Variants in TINAG observed in about 807,000 individuals in gnomAD.
The protein encoded by TINAG is tubulointerstitial nephritis antigen.
A neutral mutation model predicts 72.7 loss-of-function variants in TINAG; 83 were observed. The observed-to-expected ratio is 1.14, with a 90% CI of 0.96 to 1.37. TINAG has a LOEUF of 1.37. TINAG is among the 40% of genes most tolerant of loss of function. TINAG has a pLI of 0.00. For synonymous variants in TINAG, 234 were observed against 189.9 expected (o/e 1.23, Z -1.91); for missense variants, 685 against 576.6 (o/e 1.19, Z -1.93).
At chr6:54,371,260 G>C (rs963408038) in intron 9 of TINAG, among the ~76,000 whole-genome samples, 1 of 151,908 alleles carries the variant, frequency 6.6e-6, no homozygotes, top group Non-Finnish European at 1.5e-5. Context: ...TCAAATGCTA[G>C]TTCTGTCCTC....
At chr6:54,341,896 C>T (rs1785004865) in intron 4 of TINAG, among the ~76,000 whole-genome samples, 1 of 152,072 alleles carries the variant, frequency 6.6e-6, no homozygotes, top group African/African-American at 2.4e-5. Flanking sequence ...AGGGACTCAA[C>T]ATGTCTTTTA....
intron 4 of TINAG, among the ~76,000 whole-genome samples, chr6:54,333,890 T>G (rs1014785191): frequency 2.6e-5 from 4 of 151,594 alleles, no homozygotes; most frequent in African/African-American, 9.8e-5. Flanking sequence ...TAAAGGTTGA[T>G]CCTCAAAAAT....
rs1582729537 is a variant in TINAG, at chr6:54,349,800, G to A, written c.984G>A (p.Gly328=). ...NGCAMASRSD[G]RGKRHATKPC... ...GTGCCATGGCAAGCAGGTCTGATGG[G>A]CGAGGAAAACGGCATGCCACGAAGC... is the stretch of plus-strand genomic sequence containing the variant. The change falls in exon 7 of 11, where the codon GGG becomes GGA. Residue 328 remains glycine, a synonymous_variant. Transcript: ENST00000259782. 1 of 1,608,862 alleles carries A rather than the reference G, an allele frequency of 6.2e-7. No individual in the cohort carries two copies. The highest frequency in any genetic ancestry group is 8.5e-7 in the Non-Finnish European group (1 of 1,176,910).
intron 1 of TINAG, among the ~76,000 whole-genome samples, chr6:54,316,844 T>C (rs1784384150): frequency 6.6e-6 from 1 of 152,200 alleles, no homozygotes; most frequent in Admixed American, 6.5e-5. Context: ...AAACAAATTA[T>C]AGACAATGTA....
intron 4 of TINAG, among the ~76,000 whole-genome samples, chr6:54,334,183 T>G (rs1034769277): frequency 1.3e-5 from 2 of 152,216 alleles, no homozygotes; most frequent in East Asian, 3.8e-4. Context: ...GAGATATTGA[T>G]TGTATTCAAG....
At chr6:54,327,676 G>A (rs1457554162) in intron 4 of TINAG, among the ~76,000 whole-genome samples, 3 of 151,998 alleles carry the variant, frequency 2.0e-5, no homozygotes, top group African/African-American at 4.8e-5. Flanking sequence ...TCCCACCCCC[G>A]CAGAGCCCAG....
chr6:54,327,400 G>A (rs558673479), intron 4 of TINAG, among the ~76,000 whole-genome samples: 2 of 152,276 alleles, frequency 1.3e-5, no homozygotes, highest in East Asian at 1.9e-4. Flanking sequence ...ACTGTGTTGT[G>A]AGGGATGGTG....
chr6:54,355,967 C>G (rs1353077302), intron 9 of TINAG, among the ~76,000 whole-genome samples: 2 of 151,814 alleles, frequency 1.3e-5, no homozygotes, highest in African/African-American at 4.8e-5. Flanking sequence ...ATGTTTTTCT[C>G]TAGCAGTATA....
chr6:54,365,766 T>G (rs537678639), intron 9 of TINAG, among the ~76,000 whole-genome samples: 246 of 151,670 alleles, frequency 1.6e-3, no homozygotes, highest in African/African-American at 5.1e-3. Flanking sequence ...ATTCAAATTT[T>G]GAGTTTGTAG....
intron 9 of TINAG, among the ~76,000 whole-genome samples, chr6:54,364,117 T>C (rs542900729): frequency 2.6e-5 from 4 of 151,452 alleles, no homozygotes; most frequent in African/African-American, 9.7e-5. Context: ...GAAAATTAGA[T>C]AGTTTGTAAT....
intron 1 of TINAG, among the ~76,000 whole-genome samples, chr6:54,318,212 C>T (rs1339391300): frequency 6.6e-6 from 1 of 152,148 alleles, no homozygotes; most frequent in Non-Finnish European, 1.5e-5. Context: ...CAAATTCATG[C>T]TCCAGCCTGG....
At position 54,376,317 on chromosome 6, in the gene TINAG, A is replaced by G. The variant is rs141412922; in HGVS notation, c.1251-4209A>G. ...ACTGACAGTTTTTCGAAAGCAAAAT[A>G]TATGTCTTCTTTGGGCTAACCAGTA... On this transcript the variant is annotated intron_variant, in intron 9 of 10. Transcript: ENST00000259782. 9.6e-3 allele frequency among the ~76,000 whole-genome samples: 1,467 copies of G among 152,276 alleles called. 24 individuals are homozygous for G. Among genetic ancestry groups the G allele is most frequent in the African/African-American group, 0.033 (1,379 of 41,560 alleles).
intron 4 of TINAG, among the ~76,000 whole-genome samples, chr6:54,338,434 T>G (rs997757850): frequency 1.3e-5 from 2 of 151,864 alleles, no homozygotes; most frequent in African/African-American, 4.8e-5. Context: ...CATAAAACAC[T>G]AGTTTGGCCG....
At chr6:54,311,502 T>G (rs990332342) in intron 1 of TINAG, among the ~76,000 whole-genome samples, 4 of 152,220 alleles carry the variant, frequency 2.6e-5, no homozygotes, top group African/African-American at 9.6e-5. Flanking sequence ...GTTCCCCTAG[T>G]ACTATACGGG....
intron 4 of TINAG, among the ~76,000 whole-genome samples, chr6:54,338,980 C>T (rs1220233267): frequency 6.6e-6 from 1 of 152,076 alleles, no homozygotes; most frequent in East Asian, 1.9e-4. Flanking sequence ...TATTAAAATT[C>T]CTCAGAACTA....
chr6:54,309,378 C>A (rs1349463662), intron 1 of TINAG, among the ~76,000 whole-genome samples: 1 of 152,156 alleles, frequency 6.6e-6, no homozygotes, highest in African/African-American at 2.4e-5. Flanking sequence ...ATTAGTAATG[C>A]TATTAAAACC....
At chr6:54,369,830 C>G (rs1452065409) in intron 9 of TINAG, 2 of 151,912 alleles carry the variant, frequency 1.3e-5, no homozygotes, top group Non-Finnish European at 2.9e-5. Context: ...AGGGTTAAAC[C>G]ATTGAGGAAA....
intron 4 of TINAG, among the ~76,000 whole-genome samples, chr6:54,330,517 C>T (rs1784712912): frequency 1.3e-5 from 2 of 151,906 alleles, no homozygotes. Flanking sequence ...AGATCTAAAA[C>T]AGACACCCTA....
At chr6:54,377,912 G>T (rs1441005637) in intron 9 of TINAG, among the ~76,000 whole-genome samples, 2 of 152,010 alleles carry the variant, frequency 1.3e-5, no homozygotes, top group Non-Finnish European at 2.9e-5. Flanking sequence ...TTTAAATAAA[G>T]GTTTTAACCA....
Sources: gnomAD v4.1 joint callset for allele counts (sites outside exome capture counted in the v4.1 genomes callset) on GRCh38, gnomAD v4.1.1 for gene constraint, MANE v1.5 for transcripts, NCBI Gene and HGNC (gene_info 2026-07-23, HGNC 2026-07-21) for gene names.